The following APBB1IP variants were observed in gnomAD, a reference collection of about 807,000 sequenced individuals.
APBB1IP encodes the protein amyloid beta A4 precursor protein-binding family B member 1-interacting protein.
A neutral mutation model predicts 64.9 loss-of-function variants in APBB1IP; 27 were observed. The ratio of observed to expected loss-of-function variants is 0.42; its 90% confidence interval spans 0.31 to 0.57. The LOEUF is 0.57. APBB1IP is among the 20% of genes least tolerant of loss of function. APBB1IP has a pLI of 0.20. For missense variants in APBB1IP, 812 were observed against 845.5 expected, an observed-to-expected ratio of 0.96 and a Z score of 0.49; for synonymous variants, 392 against 331.0, an observed-to-expected ratio of 1.18 and a Z score of -2.00.
chr10:26,510,734 T>TCACACA lies in APBB1IP; in HGVS notation c.532-976_532-971dup, dbSNP rs1554776713. Among the ~76,000 whole-genome samples the TCACACA allele has an allele frequency of 9.5e-3, 1,298 of 135,952 alleles. 14 individuals are homozygous for TCACACA. The highest frequency in any genetic ancestry group is 0.026 in the African/African-American group (939 of 35,770). The allele number at this position is 135,952 out of a possible 152,430, so 89.2% of individuals were successfully genotyped here. Reference sequence around the variant, plus strand: ...CTAGGCAACAGAGCAAGACCCTGTCTCACACACACACACACACACACACAC... The same window carrying TCACACA: ...CTAGGCAACAGAGCAAGACCCTGTCTCACACACACACACACACACACACACACACAC... On this transcript the variant is annotated intron_variant, in intron 6 of 14. Coordinates refer to ENST00000376236, the MANE Select transcript of APBB1IP (RefSeq NM_019043.4).
intron 2 of APBB1IP, 37 bp downstream of exon 2, chr10:26,438,890 G>T (rs1352145038): frequency 6.6e-6 from 1 of 152,150 alleles, no homozygotes; most frequent in Non-Finnish European, 1.5e-5. Context: ...CCCTGGGAGC[G>T]CCAGCACGGG....
chr10:26,472,874 T>C (rs1588574989), intron 2 of APBB1IP, among the ~76,000 whole-genome samples: 1 of 150,824 alleles, frequency 6.6e-6, no homozygotes, highest in Admixed American at 6.6e-5. Context: ...GAGGCAGAGG[T>C]TGCAGTGAGC....
intron 6 of APBB1IP, among the ~76,000 whole-genome samples, chr10:26,510,732 T>TCACA (rs1491206953): frequency 0.026 from 2,859 of 109,252 alleles, 102 homozygotes; most frequent in African/African-American, 0.082. Context: ...CAAGACCCTG[T>TCACA]CTCACACACA....
intron 8 of APBB1IP, among the ~76,000 whole-genome samples, chr10:26,522,029 G>A (rs1355179386): frequency 1.3e-5 from 2 of 152,126 alleles, no homozygotes; most frequent in Admixed American, 6.5e-5. Context: ...GATATTACAG[G>A]CATGAGCCAC....
In APBB1IP at chr10:26,551,454, A is replaced by G. The variant is rs1378281123; in HGVS notation, c.1156-8651A>G. ...TTTTTGCAGTCCAGCGGGGCTTCCC[A>G]GTCTCACTCACGGTCAGTTTCCTTA... On this transcript the variant is annotated intron_variant, in intron 11 of 14. Coordinates refer to ENST00000376236, the MANE Select transcript of APBB1IP (RefSeq NM_019043.4). Among the ~76,000 whole-genome samples the G allele has an allele frequency of 7.9e-5, 12 of 152,206 alleles. No individual in the cohort carries two copies. The East Asian group carries it at 1.2e-3, about 15-fold the overall frequency.
In APBB1IP at chr10:26,567,741, T is replaced by C; in HGVS notation, c.*253T>C. 1.1e-5 allele frequency: 8 copies of C among 708,040 alleles called. No individual in the cohort carries two copies. Among genetic ancestry groups the C allele is most frequent in the Non-Finnish European group, 1.5e-5 (8 of 518,782 alleles). 43.9% of individuals were successfully genotyped at this position (708,040 alleles called of 1,614,324 possible). Reference sequence around the variant, plus strand: ...CCTTCCAAGCTGCCTAAAGCGCTGTTTTAGGTTCATTTATTTTATTATGTT... The same window carrying C: ...CCTTCCAAGCTGCCTAAAGCGCTGTCTTAGGTTCATTTATTTTATTATGTT... On this transcript the variant is annotated 3_prime_UTR_variant, in exon 15 of 15. Transcript: ENST00000376236.
intron 2 of APBB1IP, among the ~76,000 whole-genome samples, chr10:26,468,582 G>A (rs925946111): frequency 2.0e-5 from 3 of 151,328 alleles, no homozygotes; most frequent in African/African-American, 2.4e-5. Context: ...ACCAGACTAA[G>A]TTACAATTGG....
At chr10:26,448,915 C>G (rs1051548187) in intron 2 of APBB1IP, among the ~76,000 whole-genome samples, 2 of 151,994 alleles carry the variant, frequency 1.3e-5, no homozygotes, top group East Asian at 3.9e-4. Context: ...CTTCTGTTTT[C>G]TTTTTTTTGC....
intron 2 of APBB1IP, among the ~76,000 whole-genome samples, chr10:26,485,281 G>C (rs893923026): frequency 5.3e-5 from 8 of 152,084 alleles, no homozygotes; most frequent in Non-Finnish European, 1.5e-5. Context: ...CATGTTATTT[G>C]GCAGTCTCTA....
chr10:26,452,283 A>G (rs1250947408), intron 2 of APBB1IP, among the ~76,000 whole-genome samples: 1 of 152,244 alleles, frequency 6.6e-6, no homozygotes, highest in Non-Finnish European at 1.5e-5. Context: ...GAGAAGGTCT[A>G]AATGACTTGC....
chr10:26,528,584 C>T (rs1013303019), intron 8 of APBB1IP, among the ~76,000 whole-genome samples: 2 of 152,128 alleles, frequency 1.3e-5, no homozygotes, highest in Non-Finnish European at 2.9e-5. Flanking sequence ...AGTCATCTGT[C>T]CATCTCACTA....
At chr10:26,523,841 G>T (rs1354788670) in intron 8 of APBB1IP, among the ~76,000 whole-genome samples, 1 of 152,036 alleles carries the variant, frequency 6.6e-6, no homozygotes, top group Non-Finnish European at 1.5e-5. Context: ...CTTAAAAAAA[G>T]AAAGACCCTG....
At chr10:26,498,852 G>C (rs1438278900) in intron 4 of APBB1IP, among the ~76,000 whole-genome samples, 1 of 152,116 alleles carries the variant, frequency 6.6e-6, no homozygotes, top group Non-Finnish European at 1.5e-5. Flanking sequence ...TTTGGATACA[G>C]GACAAGACAT....
At position 26,501,372 on chromosome 10, in the gene APBB1IP, A is replaced by G; in HGVS notation, c.453+261A>G. 7 of 544,594 alleles carry G rather than the reference A, an allele frequency of 1.3e-5. 1 individual carries two copies. In the South Asian group the frequency reaches 1.8e-4, roughly 14 times the overall value. The allele number at this position is 544,594 out of a possible 1,614,324, so 33.7% of individuals were successfully genotyped here. A position where few individuals can be genotyped will look rare whatever the true frequency, so the allele number is the denominator to read the frequency against. On this transcript the variant is annotated intron_variant, in intron 5 of 14. Transcript: ENST00000376236. Reference sequence around the variant, plus strand: ...AATATTTGTATGCAAAAACTATTTGATAAAACTCAATCTTTTGGGGGAAAT... The same window carrying G: ...AATATTTGTATGCAAAAACTATTTGGTAAAACTCAATCTTTTGGGGGAAAT...
intron 8 of APBB1IP, 45 bp downstream of exon 8, chr10:26,513,705 T>A (rs1836289358): frequency 6.6e-6 from 1 of 151,996 alleles, no homozygotes; most frequent in Non-Finnish European, 1.1e-5. Flanking sequence ...GTACAAAGGA[T>A]TTTTTTTTTT....
In APBB1IP at chr10:26,552,783, G is replaced by A. The variant is rs549535735; in HGVS notation, c.1156-7322G>A. 3.3e-5 allele frequency among the ~76,000 whole-genome samples: 5 copies of A among 152,228 alleles called. No homozygotes were observed. In the South Asian group the frequency reaches 6.2e-4, roughly 19 times the overall value. On this transcript the variant is annotated intron_variant, in intron 11 of 14. Transcript: ENST00000376236. ...GAGGAAGAAGGCTCCTATCTCCAAC[G>A]TGGCCTCTGGAACCACATCGTCAGC...
chr10:26,520,402 G>A (rs1836388436), intron 8 of APBB1IP, among the ~76,000 whole-genome samples: 1 of 152,116 alleles, frequency 6.6e-6, no homozygotes, highest in Admixed American at 6.6e-5. Context: ...GAGCTTACCT[G>A]GCCCAGAATA....
chr10:26,447,453 T>C (rs1835414443), intron 2 of APBB1IP, among the ~76,000 whole-genome samples: 1 of 151,326 alleles, frequency 6.6e-6, no homozygotes, highest in African/African-American at 2.4e-5. Flanking sequence ...AGGCACCAGA[T>C]GTGTAAAACA....
intron 2 of APBB1IP, among the ~76,000 whole-genome samples, chr10:26,453,145 G>A (rs188457493): frequency 6.6e-6 from 1 of 152,284 alleles, no homozygotes; most frequent in East Asian, 1.9e-4. Context: ...AAGTCATAAA[G>A]CAGGTCATGA....
Sources: allele counts gnomAD v4.1 joint callset (sites outside exome capture counted in the v4.1 genomes callset), GRCh38; gene constraint gnomAD v4.1.1; transcripts MANE v1.5; gene names NCBI Gene and HGNC (gene_info 2026-07-23, HGNC 2026-07-21).